Variants in IQGAP2 observed in about 807,000 individuals in gnomAD.
IQGAP2 encodes the protein IQ motif containing GTPase activating protein 2, also known as ras GTPase-activating-like protein IQGAP2.
In IQGAP2, 173 loss-of-function variants were observed where a neutral mutation model predicts 201.3. That is an observed-to-expected ratio of 0.86 (90% confidence interval 0.76 to 0.98). The LOEUF is 0.98. IQGAP2 is among the 50% of genes least tolerant of loss of function. The probability of loss-of-function intolerance (pLI) is 0.00; values close to 1 mark genes in which losing one functional copy is unlikely to be tolerated. For synonymous variants in IQGAP2, 675 were observed against 673.9 expected, an observed-to-expected ratio of 1.00 and a Z score of -0.03; for missense variants, 1,687 against 1,864.8, an observed-to-expected ratio of 0.90 and a Z score of 1.76.
At chr5:76,626,477 G>A (rs1455744172) in intron 13 of IQGAP2, among the ~76,000 whole-genome samples, 1 of 151,728 alleles carries the variant, frequency 6.6e-6, no homozygotes, top group Non-Finnish European at 1.5e-5. Context: ...CACCATGTTG[G>A]CCAGGCTGGT....
intron 2 of IQGAP2, among the ~76,000 whole-genome samples, chr5:76,462,063 C>A (rs960450267): frequency 1.3e-5 from 2 of 152,218 alleles, no homozygotes; most frequent in East Asian, 1.9e-4. Context: ...ATGCCACAGC[C>A]AAAGTTGAGG....
intron 1 of IQGAP2, among the ~76,000 whole-genome samples, chr5:76,406,792 C>T (rs1750819920): frequency 6.6e-6 from 1 of 151,700 alleles, no homozygotes; most frequent in African/African-American, 2.4e-5. Context: ...AGTGGGTCTC[C>T]AATGATTGCA....
chr5:76,676,328 A>C (rs1744821131), intron 27 of IQGAP2, among the ~76,000 whole-genome samples: 1 of 152,186 alleles, frequency 6.6e-6, no homozygotes, highest in African/African-American at 2.4e-5. Context: ...CAGCATAGGA[A>C]AGCCGACTGT....
chr5:76,669,593 CT>C (rs1744112222), intron 23 of IQGAP2, among the ~76,000 whole-genome samples: 1 of 152,110 alleles, frequency 6.6e-6, no homozygotes, highest in East Asian at 1.9e-4. Flanking sequence ...AGAGGAGGTG[CT>C]TGACCTAAAA....
chr5:76,434,237 T>C (rs927800450), intron 1 of IQGAP2, among the ~76,000 whole-genome samples: 1 of 152,138 alleles, frequency 6.6e-6, no homozygotes, highest in Non-Finnish European at 1.5e-5. Flanking sequence ...GGGTTTTTGG[T>C]ATGTGGATGA....
intron 2 of IQGAP2, among the ~76,000 whole-genome samples, chr5:76,497,428 A>G (rs1031055640): frequency 6.6e-6 from 1 of 152,210 alleles, no homozygotes; most frequent in Non-Finnish European, 1.5e-5. Context: ...CTAAAATGTA[A>G]AACTTTCTTT....
intron 5 of IQGAP2, among the ~76,000 whole-genome samples, chr5:76,579,593 T>A (rs1745701038): frequency 6.6e-6 from 1 of 151,960 alleles, no homozygotes; most frequent in African/African-American, 2.4e-5. Flanking sequence ...GTATAATCCA[T>A]TGTCCTGTCA....
chr5:76,513,075 A>T lies in IQGAP2; in HGVS notation c.147-49321A>T, dbSNP rs555423497. 3.3e-5 allele frequency among the ~76,000 whole-genome samples: 5 copies of T among 152,266 alleles called. No homozygotes were observed. The South Asian group carries it at 1.0e-3, about 32-fold the overall frequency. ...GTCTCAAAAAGAAAAAAAAAAAGAA[A>T]AAAGAAAAGAAATGTTACTTTTGCA... On this transcript the variant is annotated intron_variant, in intron 2 of 35. Transcript: ENST00000274364.
At chr5:76,616,154 T>C (rs1471734647) in intron 13 of IQGAP2, 2 of 152,454 alleles carry the variant, frequency 1.3e-5, no homozygotes, top group African/African-American at 4.8e-5. Context: ...AAATGAACTA[T>C]ATATAAATGC....
At chr5:76,410,367 C>T (rs1174090697) in intron 1 of IQGAP2, among the ~76,000 whole-genome samples, 1 of 152,122 alleles carries the variant, frequency 6.6e-6, no homozygotes, top group African/African-American at 2.4e-5. Flanking sequence ...CCTGATGCAA[C>T]CCCTTACTGA....
At chr5:76,493,480 C>T (rs1756688088) in intron 2 of IQGAP2, among the ~76,000 whole-genome samples, 1 of 152,254 alleles carries the variant, frequency 6.6e-6, no homozygotes, top group Non-Finnish European at 1.5e-5. Context: ...GTCCCCCAGC[C>T]CTAACCCTGG....
intron 2 of IQGAP2, among the ~76,000 whole-genome samples, chr5:76,513,821 A>G (rs1422359208): frequency 6.6e-6 from 1 of 151,946 alleles, no homozygotes; most frequent in African/African-American, 2.4e-5. Flanking sequence ...TGCAACACCA[A>G]CAGTGAGCCA....
In IQGAP2 at chr5:76,606,245, G is replaced by T; in HGVS notation, c.1299G>T (p.Trp433Cys). The change falls in exon 12 of 36, where the codon TGG becomes TGT. Residue 433 changes from tryptophan to cysteine, a missense_variant. Physicochemically the swap from Trp to Cys is radical, Grantham distance 215. Coordinates refer to ENST00000274364, the MANE Select transcript of IQGAP2 (RefSeq NM_006633.5). ...VLSQGQDNLS[W>C]NEIQNCIDMV... ...CCCAAGGGCAAGATAACTTAAGCTGGAATGAAATTCAGAATTGTATTGATA... is the reference window on the plus strand; with the variant it reads ...CCCAAGGGCAAGATAACTTAAGCTGTAATGAAATTCAGAATTGTATTGATA... 6.2e-7 allele frequency: 1 copy of T among 1,605,244 alleles called. No homozygotes were observed. The highest frequency in any genetic ancestry group is 2.2e-5 in the East Asian group (1 of 44,630).
chr5:76,531,453 C>T (rs561285755), intron 2 of IQGAP2, among the ~76,000 whole-genome samples: 70 of 152,096 alleles, frequency 4.6e-4, no homozygotes, highest in Middle Eastern at 3.4e-3. Context: ...TTTTGAGGGA[C>T]AGGGTTTTGC....
At chr5:76,508,268 G>A (rs1029206045) in intron 2 of IQGAP2, among the ~76,000 whole-genome samples, 3 of 144,418 alleles carry the variant, frequency 2.1e-5, no homozygotes, top group South Asian at 2.2e-4. Flanking sequence ...CAGGAGAGCC[G>A]AGATCTCGCC....
chr5:76,503,465 G>A (rs1199246981), intron 2 of IQGAP2, among the ~76,000 whole-genome samples: 1 of 151,882 alleles, frequency 6.6e-6, no homozygotes, highest in Non-Finnish European at 1.5e-5. Context: ...ATCAGCCACC[G>A]CTCCTGGCTG....
chr5:76,572,844 A>T (rs1580488310), intron 4 of IQGAP2, among the ~76,000 whole-genome samples: 1 of 152,122 alleles, frequency 6.6e-6, no homozygotes, highest in Non-Finnish European at 1.5e-5. Flanking sequence ...GCAGTGAAAA[A>T]CACCCACTGC....
Position 76,698,112 on chromosome 5 carries a change from C to T in IQGAP2, c.4332C>T (p.Thr1444=). The change falls in exon 33 of 36, where the codon ACC becomes ACT. Residue 1444 remains threonine (T), a synonymous_variant. Coordinates refer to ENST00000274364, the MANE Select transcript of IQGAP2 (RefSeq NM_006633.5). ...AAGAGCAAATCAATTATTATGACAC[C>T]TACATAAAGACTTGTTTAGACAACT... ...FYEEQINYYD[T]YIKTCLDNLK... is the part of the protein sequence containing the mutation. 6.2e-7 allele frequency: 1 copy of T among 1,606,968 alleles called. No individual in the cohort carries two copies.
At chr5:76,633,771 A>G (rs2150388539) in intron 15 of IQGAP2, among the ~76,000 whole-genome samples, 1 of 152,292 alleles carries the variant, frequency 6.6e-6, no homozygotes, top group South Asian at 2.1e-4. Flanking sequence ...TTTCATGTAA[A>G]CAGAATTATA....
Sources: allele counts gnomAD v4.1 joint callset (sites outside exome capture counted in the v4.1 genomes callset), GRCh38; gene constraint gnomAD v4.1.1; transcripts MANE v1.5; gene names NCBI Gene and HGNC (gene_info 2026-07-23, HGNC 2026-07-21).